ABI3BP: variants seen among roughly 807,000 people sequenced by gnomAD.
ABI3BP encodes the protein ABI family member 3 binding protein.
A neutral mutation model predicts 268.6 loss-of-function variants in ABI3BP; 216 were observed. That is an observed-to-expected ratio of 0.80 (90% confidence interval 0.72 to 0.90). The LOEUF is 0.90. ABI3BP is among the 40% of genes least tolerant of loss of function. The pLI, the probability that ABI3BP is intolerant of heterozygous loss-of-function variation, is 0.00. For missense variants in ABI3BP, 2,090 were observed against 2,182.4 expected (o/e 0.96, Z 0.84); for synonymous variants, 730 against 730.0 (o/e 1.00, Z 0.00).
At position 100,991,108 on chromosome 3, in the gene ABI3BP, A is replaced by G. The variant is rs1156677977; in HGVS notation, c.79+2198T>C. ...ATAGCAAAATTCAAGTATGCTCTCT[A>G]TAACAGGACCCTGATGTTAAAATAT... On this transcript the variant is annotated intron_variant, in intron 1 of 67. Coordinates refer to ENST00000471714, the MANE Select transcript of ABI3BP (RefSeq NM_001375547.2). Among the ~76,000 whole-genome samples, 3 of 150,768 alleles carry G rather than the reference A, an allele frequency of 2.0e-5. No homozygotes were observed. The East Asian group carries it at 5.8e-4, about 29-fold the overall frequency.
At chr3:100,751,119 T>G (rs935103098) in intron 67 of ABI3BP, among the ~76,000 whole-genome samples, 1 of 152,186 alleles carries the variant, frequency 6.6e-6, no homozygotes, top group African/African-American at 2.4e-5. Context: ...CAGAGGTTAT[T>G]CATTTCCCAC....
In ABI3BP at chr3:100,879,079, C is replaced by T. The variant is rs117756313; in HGVS notation, c.697-2519G>A. Among the ~76,000 whole-genome samples, 41 of 152,260 alleles carry T rather than the reference C, an allele frequency of 2.7e-4. No homozygotes were observed. In the East Asian group the frequency reaches 7.7e-3, roughly 29 times the overall value. ...TTGAACTATACATTAATAGTAACTA[C>T]GGTCACACTGCTGTGCGATAGCACT... On this transcript the variant is annotated intron_variant, in intron 6 of 67. Coordinates refer to ENST00000471714, the MANE Select transcript of ABI3BP (RefSeq NM_001375547.2).
intron 12 of ABI3BP, 168 bp from the exon 13 acceptor site, chr3:100,863,077 G>T: frequency 1.8e-6 from 1 of 566,616 alleles, no homozygotes; most frequent in Non-Finnish European, 3.1e-6. Flanking sequence ...ATATAAGAAA[G>T]TTTCTTTTTC....
chr3:100,789,454 CA>C lies in ABI3BP; in HGVS notation c.4086del (p.Val1363PhefsTer2). On this transcript the variant is annotated frameshift_variant and splice_region_variant, in exon 56 of 68. Transcript: ENST00000471714. LOFTEE classifies it high-confidence loss of function. ...PRTSDKPHIRPVLNRTTTRPT... is the reference protein window; with the variant it reads ...PRTSDKPHIRXVLNRTTTRPT... ...TTAAGTCATCAGAGAAACAACTTAC[CA>C]GGTCTGATGTGTGGCTTGTCAGATG... The C allele has an allele frequency of 1.3e-6, 2 of 1,598,890 alleles. No individual in the cohort carries two copies. Among genetic ancestry groups the C allele is most frequent in the Non-Finnish European group, 1.7e-6 (2 of 1,172,112 alleles).
intron 26 of ABI3BP, chr3:100,837,405 A>C: frequency 2.3e-6 from 1 of 427,334 alleles, no homozygotes; most frequent in African/African-American, 2.1e-5. Context: ...GATTCTGAGA[A>C]CTGTTATATA....
chr3:100,787,726 A>G lies in ABI3BP; in HGVS notation c.4162+2T>C, dbSNP rs973746512. 1.3e-6 allele frequency: 2 copies of G among 1,525,822 alleles called. No homozygotes were observed. Among genetic ancestry groups the G allele is most frequent in the Admixed American group, 2.0e-5 (1 of 49,362 alleles). 94.5% of individuals were successfully genotyped at this position (1,525,822 alleles called of 1,614,324 possible). A position where few individuals can be genotyped will look rare whatever the true frequency, so the allele number is the denominator to read the frequency against. On this transcript the variant is annotated splice_donor_variant, in intron 57 of 67. Transcript: ENST00000471714. LOFTEE classifies it high-confidence loss of function. The stretch of plus-strand genomic sequence containing the variant: ...AAAAGGAAATACATTTGTGATTATT[A>G]CCTGTTCCCACTCCATTCCCACTGG...
At chr3:100,808,105 A>G (rs771109516) in intron 50 of ABI3BP, 56 bp downstream of exon 50, 7 of 1,481,750 alleles carry the variant, frequency 4.7e-6, no homozygotes, top group Admixed American at 1.9e-5. Context: ...ACAATTTGCT[A>G]GAATAACCCC....
In ABI3BP at chr3:100,792,711, T is replaced by G. The variant is rs747119425; in HGVS notation, c.4004A>C (p.Glu1335Ala). 5 of 1,611,514 alleles carry G rather than the reference T, an allele frequency of 3.1e-6. No homozygotes were observed. In the Admixed American group the frequency reaches 8.4e-5, roughly 27 times the overall value. The change falls in exon 55 of 68, where the codon GAA becomes GCA. Residue 1335 changes from glutamate to alanine, a missense_variant. Coordinates refer to ENST00000471714, the MANE Select transcript of ABI3BP (RefSeq NM_001375547.2). ...PFTTKIPRTT[E>A]LAKTTQAPHR... ...ATTACCCTGAGTTGTCTTTGCTAGT[T>G]CAGTTGTTCGTGGAATCTTAGTTGT...
intron 1 of ABI3BP, among the ~76,000 whole-genome samples, chr3:100,959,125 C>T (rs979282759): frequency 1.3e-5 from 2 of 152,160 alleles, no homozygotes; most frequent in African/African-American, 2.4e-5. Context: ...ACCTTCTAGG[C>T]CAGACCATTA....
chr3:100,904,523 A>T (rs1418214436), intron 2 of ABI3BP, among the ~76,000 whole-genome samples: 1 of 152,210 alleles, frequency 6.6e-6, no homozygotes, highest in Non-Finnish European at 1.5e-5. Flanking sequence ...CAAAGGTAGA[A>T]CAAGGTAAGT....
At chr3:100,784,638 T>C (rs750023588) in intron 57 of ABI3BP, among the ~76,000 whole-genome samples, 18 of 152,140 alleles carry the variant, frequency 1.2e-4, no homozygotes, top group South Asian at 2.1e-4. Flanking sequence ...TAAGTGACCA[T>C]TGACTAATAA....
chr3:100,938,559 T>C (rs2067322376), intron 1 of ABI3BP, among the ~76,000 whole-genome samples: 1 of 152,100 alleles, frequency 6.6e-6, no homozygotes, highest in South Asian at 2.1e-4. Context: ...TCCTGATCCT[T>C]ATATAGAAAT....
chr3:100,880,384 C>T (rs781720322), intron 6 of ABI3BP, among the ~76,000 whole-genome samples: 2 of 152,146 alleles, frequency 1.3e-5, no homozygotes, highest in Non-Finnish European at 2.9e-5. Flanking sequence ...TTCTTCCTTC[C>T]GTAGTTCTTG....
chr3:100,906,170 G>A (rs575088270), intron 2 of ABI3BP, among the ~76,000 whole-genome samples: 1 of 152,272 alleles, frequency 6.6e-6, no homozygotes, highest in South Asian at 2.1e-4. Context: ...ATGCCTAGAG[G>A]TTTTTAAAGA....
chr3:100,899,097 C>T (rs1395674376), intron 3 of ABI3BP, among the ~76,000 whole-genome samples: 3 of 152,146 alleles, frequency 2.0e-5, no homozygotes, highest in African/African-American at 7.2e-5. Flanking sequence ...AGATTTGTGT[C>T]TATGCATGTG....
chr3:100,979,319 C>T (rs890464343), intron 1 of ABI3BP, among the ~76,000 whole-genome samples: 1 of 152,098 alleles, frequency 6.6e-6, no homozygotes, highest in African/African-American at 2.4e-5. Flanking sequence ...CACAACCAGG[C>T]CTTGTAGATG....
At chr3:100,800,200 C>T (rs1398109328) in intron 51 of ABI3BP, among the ~76,000 whole-genome samples, 1 of 145,774 alleles carries the variant, frequency 6.9e-6, no homozygotes, top group Non-Finnish European at 1.5e-5. Flanking sequence ...CTAAGTGATT[C>T]CTGGCTATTA....
chr3:100,798,316 G>A (rs1408565514), intron 51 of ABI3BP, among the ~76,000 whole-genome samples: 1 of 152,080 alleles, frequency 6.6e-6, no homozygotes, highest in African/African-American at 2.4e-5. Context: ...TCAGTGGAAA[G>A]GAAAGAAATA....
chr3:100,874,916 C>A lies in ABI3BP; in HGVS notation c.835G>T (p.Gly279Cys), dbSNP rs1308851566. ...GVILVHLIIP[G>C]LNETTVKLPA... The stretch of plus-strand genomic sequence containing the variant: ...AGTTTTACAGTAGTTTCATTAAGAC[C>A]TGGAATAATAAGGTGGACTGCAAGG... The change falls in exon 9 of 68, where the codon GGT becomes TGT. Residue 279 changes from glycine to cysteine, a missense_variant. Transcript: ENST00000471714. 1.9e-6 allele frequency: 3 copies of A among 1,593,094 alleles called. No homozygotes were observed. The highest frequency in any genetic ancestry group is 2.6e-6 in the Non-Finnish European group (3 of 1,167,006).
Sources: allele counts gnomAD v4.1 joint callset (sites outside exome capture counted in the v4.1 genomes callset), GRCh38; gene constraint gnomAD v4.1.1; transcripts MANE v1.5; gene names NCBI Gene and HGNC (gene_info 2026-07-23, HGNC 2026-07-21).